THSD7B: variants seen among roughly 807,000 people sequenced by gnomAD.
The protein encoded by THSD7B is thrombospondin type-1 domain-containing protein 7B.
In THSD7B, 138 loss-of-function variants were observed where a neutral mutation model predicts 213.6. That is an observed-to-expected ratio of 0.65 (90% CI 0.56 to 0.74). The LOEUF is 0.74. Ranked by LOEUF, THSD7B falls within the 30% of genes least tolerant of loss-of-function variation. The pLI, the probability that THSD7B is intolerant of heterozygous loss-of-function variation, is 0.00. For synonymous variants in THSD7B, 742 were observed against 687.0 expected, an observed-to-expected ratio of 1.08 and a Z score of -1.25; for missense variants, 1,931 against 1,991.5, an observed-to-expected ratio of 0.97 and a Z score of 0.58.
chr2:137,432,329 T>TG (rs1472350825), intron 14 of THSD7B, among the ~76,000 whole-genome samples: 1 of 152,192 alleles, frequency 6.6e-6, no homozygotes, highest in Non-Finnish European at 1.5e-5. Context: ...AGTCGGAGGT[T>TG]GCAGTCAGCC....
At chr2:137,125,188 G>A (rs1688610626) in intron 5 of THSD7B, among the ~76,000 whole-genome samples, 1 of 152,094 alleles carries the variant, frequency 6.6e-6, no homozygotes, top group Non-Finnish European at 1.5e-5. Context: ...GAAATTGTCT[G>A]TTTCAATTGA....
In THSD7B at chr2:137,618,622, G is replaced by T. The variant is rs1682454974; in HGVS notation, c.3681+115G>T. On this transcript the variant is annotated intron_variant, in intron 19 of 27. Coordinates refer to ENST00000409968, the MANE Select transcript of THSD7B (RefSeq NM_001316349.2). ...ACTGATTTCTTCTCATCTCAGCTTAGGTTCAGTTAGAGTAAGCGGTGCCAG... is the reference window on the plus strand; with the variant it reads ...ACTGATTTCTTCTCATCTCAGCTTATGTTCAGTTAGAGTAAGCGGTGCCAG... 3.2e-6 allele frequency: 3 copies of T among 933,478 alleles called. No homozygotes were observed. In the South Asian group the frequency reaches 5.1e-5, roughly 16 times the overall value. The allele number at this position is 933,478 out of a possible 1,614,324, so 57.8% of individuals were successfully genotyped here.
At chr2:137,602,253 TTTTTTGTTTTTG>T (rs1344547568) in intron 17 of THSD7B, among the ~76,000 whole-genome samples, 2 of 152,080 alleles carry the variant, frequency 1.3e-5, no homozygotes, top group Non-Finnish European at 2.9e-5. Flanking sequence ...TCTTTCTCGT[TTTTTTGTTTTTG>T]TTTTTGTTTT....
At chr2:136,905,730 A>G (rs899438359) in intron 2 of THSD7B, among the ~76,000 whole-genome samples, 2 of 152,222 alleles carry the variant, frequency 1.3e-5, no homozygotes, top group African/African-American at 4.8e-5. Flanking sequence ...GCAATTTGAG[A>G]CAAGTACATC....
At chr2:137,586,219 C>G (rs1030007914) in intron 17 of THSD7B, among the ~76,000 whole-genome samples, 13 of 152,166 alleles carry the variant, frequency 8.5e-5, no homozygotes, top group African/African-American at 2.9e-4. Flanking sequence ...TCTTTTGAGC[C>G]TATGTGTGTC....
intron 2 of THSD7B, among the ~76,000 whole-genome samples, chr2:136,950,711 A>G (rs1375603228): frequency 6.6e-6 from 1 of 152,216 alleles, no homozygotes; most frequent in Non-Finnish European, 1.5e-5. Flanking sequence ...TTGAGTTGCT[A>G]GGATAAAGTA....
At chr2:137,102,429 G>T (rs1050527576) in intron 4 of THSD7B, among the ~76,000 whole-genome samples, 12 of 152,202 alleles carry the variant, frequency 7.9e-5, no homozygotes, top group African/African-American at 2.9e-4. Flanking sequence ...TGAAGATGAG[G>T]AAAAGCTAGT....
intron 12 of THSD7B, among the ~76,000 whole-genome samples, chr2:137,369,728 A>G (rs1685502332): frequency 6.6e-6 from 1 of 152,048 alleles, no homozygotes; most frequent in Non-Finnish European, 1.5e-5. Flanking sequence ...CATCCTCATC[A>G]TTTTGACCTC....
intron 2 of THSD7B, among the ~76,000 whole-genome samples, chr2:136,913,956 G>C (rs1273431435): frequency 6.6e-6 from 1 of 152,142 alleles, no homozygotes; most frequent in African/African-American, 2.4e-5. Flanking sequence ...CCAGACCCAT[G>C]AATTGTAGAT....
chr2:136,804,652 T>C (rs957746824), intron 1 of THSD7B, among the ~76,000 whole-genome samples: 1 of 152,192 alleles, frequency 6.6e-6, no homozygotes, highest in African/African-American at 2.4e-5. Context: ...TTAGGTTGTA[T>C]TGGTTGTTTT....
chr2:137,414,978 C>T (rs945985841), intron 14 of THSD7B, among the ~76,000 whole-genome samples: 2 of 148,098 alleles, frequency 1.4e-5, no homozygotes, highest in Non-Finnish European at 3.0e-5. Context: ...ATCACTTGAA[C>T]TTCGTAGGCG....
intron 2 of THSD7B, among the ~76,000 whole-genome samples, chr2:136,981,565 A>G (rs1028455691): frequency 6.6e-6 from 1 of 152,208 alleles, no homozygotes; most frequent in Non-Finnish European, 1.5e-5. Flanking sequence ...GACATGGAAT[A>G]TTCTCATTGA....
Position 136,927,283 on chromosome 2 carries a change from A to AAACGGCTAT in THSD7B, c.139+44969_139+44970insGGCTATAAC, listed in dbSNP as rs1553458500. 3.3e-5 allele frequency among the ~76,000 whole-genome samples: 5 copies of AAACGGCTAT among 151,238 alleles called. No individual in the cohort carries two copies. In the East Asian group the frequency reaches 9.8e-4, roughly 30 times the overall value. On this transcript the variant is annotated intron_variant, in intron 2 of 27. Transcript: ENST00000409968. Reference sequence around the variant, plus strand: ...TAATTAACTTGTTTTAGTCTTTTAAAAACATTACCTGCTGAGTGAGCTGGA... The same window carrying AAACGGCTAT: ...TAATTAACTTGTTTTAGTCTTTTAAAAACGGCTATAACATTACCTGCTGAGTGAGCTGGA...
chr2:137,006,172 T>C (rs1211704448), intron 2 of THSD7B, among the ~76,000 whole-genome samples: 1 of 152,078 alleles, frequency 6.6e-6, no homozygotes, highest in Non-Finnish European at 1.5e-5. Flanking sequence ...GGCGGGCAGA[T>C]CACGAGGTCA....
At chr2:137,345,907 A>T (rs1684865884) in intron 12 of THSD7B, among the ~76,000 whole-genome samples, 1 of 151,602 alleles carries the variant, frequency 6.6e-6, no homozygotes, top group South Asian at 2.1e-4. Flanking sequence ...ATACACACCC[A>T]TATATTTATT....
chr2:137,319,485 T>A (rs2104876853), intron 12 of THSD7B, among the ~76,000 whole-genome samples: 1 of 152,358 alleles, frequency 6.6e-6, no homozygotes, highest in African/African-American at 2.4e-5. Context: ...GTTGTGATAT[T>A]TTCTGTGTCA....
intron 1 of THSD7B, among the ~76,000 whole-genome samples, chr2:136,869,064 A>T (rs557444644): frequency 2.0e-5 from 3 of 152,110 alleles, no homozygotes; most frequent in African/African-American, 2.4e-5. Context: ...TATTATTTCT[A>T]TTAAATGATT....
At chr2:137,301,924 C>T (rs564210190) in intron 12 of THSD7B, among the ~76,000 whole-genome samples, 8 of 152,068 alleles carry the variant, frequency 5.3e-5, no homozygotes, top group African/African-American at 9.6e-5. Context: ...TGATAGGATC[C>T]GGTTTACATG....
At chr2:137,274,782 A>G (rs1307940228) in intron 11 of THSD7B, among the ~76,000 whole-genome samples, 1 of 152,092 alleles carries the variant, frequency 6.6e-6, no homozygotes, top group African/African-American at 2.4e-5. Context: ...GTATCTTGGA[A>G]TCATGCAGAA....
Sources: allele counts gnomAD v4.1 joint callset (sites outside exome capture counted in the v4.1 genomes callset), GRCh38; gene constraint gnomAD v4.1.1; transcripts MANE v1.5; gene names NCBI Gene and HGNC (gene_info 2026-07-23, HGNC 2026-07-21).